The following GLIS3 variants were observed in gnomAD, a reference collection of about 807,000 sequenced individuals.
GLIS3 encodes zinc finger protein GLIS3.
Under a neutral mutation model 78.6 loss-of-function variants are expected in GLIS3, and 53 were observed. That is an observed-to-expected ratio of 0.67 (90% confidence interval 0.54 to 0.85). The LOEUF is 0.85. Ranked by LOEUF, GLIS3 falls within the 40% of genes least tolerant of loss-of-function variation. The pLI is 0.00. For synonymous variants in GLIS3, 684 were observed against 509.9 expected, an observed-to-expected ratio of 1.34 and a Z score of -4.60; for missense variants, 1,703 against 1,231.1, an observed-to-expected ratio of 1.38 and a Z score of -5.74.
At chr9:4,486,980 G>A in the GLIS3 span, among the ~76,000 whole-genome samples, 5 of 152,146 alleles carry the variant, frequency 3.3e-5, no homozygotes, top group Non-Finnish European at 4.4e-5. Flanking sequence ...ATATAGGTGT[G>A]AGTCGACACT....
intron 1 of GLIS3, among the ~76,000 whole-genome samples, chr9:4,297,995 C>A (rs896979010): frequency 1.1e-4 from 17 of 152,286 alleles, no homozygotes; most frequent in Admixed American, 3.9e-4. Context: ...GCGGCTGCGA[C>A]CCCGTCACTC....
intron 4 of GLIS3, among the ~76,000 whole-genome samples, chr9:3,996,687 A>T (rs1326856782): frequency 6.6e-6 from 1 of 152,190 alleles, no homozygotes; most frequent in Non-Finnish European, 1.5e-5. Flanking sequence ...AGATAAGAAA[A>T]TAAATTAACA....
chr9:4,069,328 A>G (rs1827388002), intron 4 of GLIS3, among the ~76,000 whole-genome samples: 1 of 152,174 alleles, frequency 6.6e-6, no homozygotes, highest in Non-Finnish European at 1.5e-5. Context: ...CTGGTAGCTG[A>G]GCTATTGGAT....
At chr9:3,918,198 T>C (rs1276125675) in intron 6 of GLIS3, among the ~76,000 whole-genome samples, 3 of 152,234 alleles carry the variant, frequency 2.0e-5, no homozygotes, top group Admixed American at 2.0e-4. Context: ...TTCAGGACTA[T>C]CCTGAATATT....
chr9:3,896,443 T>C (rs1014528584), intron 7 of GLIS3, among the ~76,000 whole-genome samples: 2 of 151,774 alleles, frequency 1.3e-5, no homozygotes, highest in African/African-American at 4.8e-5. Flanking sequence ...GGTGGGTGGA[T>C]CACCTGAGGT....
chr9:3,904,712 T>C (rs1012379044), intron 6 of GLIS3, among the ~76,000 whole-genome samples: 5 of 152,194 alleles, frequency 3.3e-5, no homozygotes, highest in African/African-American at 1.2e-4. Context: ...CACCAATCTC[T>C]ACAGTGTGTT....
intron 8 of GLIS3, among the ~76,000 whole-genome samples, chr9:3,861,517 C>G (rs1820212341): frequency 7.7e-6 from 1 of 130,484 alleles, no homozygotes; most frequent in African/African-American, 3.0e-5. Flanking sequence ...TTCACAATAG[C>G]AAAAACAGGG....
At chr9:3,978,622 A>ATG (rs200138398) in intron 4 of GLIS3, among the ~76,000 whole-genome samples, 1 of 151,932 alleles carries the variant, frequency 6.6e-6, no homozygotes, top group Admixed American at 6.6e-5. Context: ...TTATGTGTAT[A>ATG]TGTGTGTATA....
At chr9:3,950,413 T>C (rs916766788) in intron 4 of GLIS3, among the ~76,000 whole-genome samples, 1 of 152,218 alleles carries the variant, frequency 6.6e-6, no homozygotes, top group Non-Finnish European at 1.5e-5. Context: ...GGCTCATACA[T>C]CTTGCTTGAT....
At chr9:3,930,381 G>GAA (rs1300343875) in intron 6 of GLIS3, among the ~76,000 whole-genome samples, 1 of 152,172 alleles carries the variant, frequency 6.6e-6, no homozygotes, top group African/African-American at 2.4e-5. Flanking sequence ...ACTGCTCCTT[G>GAA]AAAGTATACT....
At chr9:4,342,609 A>C (rs558369843) in intron 2 of GLIS3, among the ~76,000 whole-genome samples, 1 of 152,172 alleles carries the variant, frequency 6.6e-6, no homozygotes, top group African/African-American at 2.4e-5. Flanking sequence ...GAATACTATA[A>C]TAGTTCTTTT....
intron 2 of GLIS3, among the ~76,000 whole-genome samples, chr9:4,340,250 C>T (rs1817815286): frequency 6.7e-6 from 1 of 148,318 alleles, no homozygotes; most frequent in Admixed American, 6.7e-5. Context: ...TAATCCAAAA[C>T]GTCTGTACCC....
chr9:4,241,872 C>T (rs565685973), intron 2 of GLIS3, among the ~76,000 whole-genome samples: 10 of 152,000 alleles, frequency 6.6e-5, no homozygotes, highest in African/African-American at 1.7e-4. Flanking sequence ...TATGTAGAGA[C>T]GGGGTTTTGC....
chr9:4,484,173 T>C, the GLIS3 span, among the ~76,000 whole-genome samples: 2 of 152,184 alleles, frequency 1.3e-5, no homozygotes, highest in Non-Finnish European at 2.9e-5. Flanking sequence ...TGACTCTACT[T>C]GGCTTCTAAC....
chr9:4,021,648 G>A (rs113534034), intron 4 of GLIS3, among the ~76,000 whole-genome samples: 1 of 152,034 alleles, frequency 6.6e-6, no homozygotes, highest in Admixed American at 6.5e-5. Context: ...ATATAACATT[G>A]CACTTAACAG....
At chr9:3,948,891 T>A (rs1348889259) in intron 4 of GLIS3, among the ~76,000 whole-genome samples, 2 of 152,220 alleles carry the variant, frequency 1.3e-5, no homozygotes, top group Non-Finnish European at 2.9e-5. Context: ...AAATTCTCAA[T>A]AAATGTTACC....
chr9:4,067,602 T>C (rs1827208290), intron 4 of GLIS3, among the ~76,000 whole-genome samples: 1 of 152,058 alleles, frequency 6.6e-6, no homozygotes, highest in Non-Finnish European at 1.5e-5. Flanking sequence ...TCTCCTCAAA[T>C]TCAACAAGAT....
At chr9:4,387,162 C>G in the GLIS3 span, among the ~76,000 whole-genome samples, 1 of 152,134 alleles carries the variant, frequency 6.6e-6, no homozygotes, top group Non-Finnish European at 1.5e-5. Context: ...AGATGTGCAG[C>G]AGGAAAAAAA....
intron 2 of GLIS3, among the ~76,000 whole-genome samples, chr9:4,204,483 G>T (rs1271081610): frequency 6.6e-6 from 1 of 152,082 alleles, no homozygotes; most frequent in East Asian, 1.9e-4. Context: ...TGCATCCTAG[G>T]GAAACCAATA....
Sources: gnomAD v4.1 joint callset for allele counts (sites outside exome capture counted in the v4.1 genomes callset) on GRCh38, gnomAD v4.1.1 for gene constraint, MANE v1.5 for transcripts, NCBI Gene and HGNC (gene_info 2026-07-23, HGNC 2026-07-21) for gene names.